Variants in LDLRAD4 observed in about 807,000 individuals in gnomAD.
LDLRAD4 encodes low density lipoprotein receptor class A domain containing 4, also known as low-density lipoprotein receptor class A domain-containing protein 4.
A neutral mutation model predicts 17.0 loss-of-function variants in LDLRAD4; 5 were observed. The ratio of observed to expected loss-of-function variants is 0.29; its 90% CI spans 0.15 to 0.62. The LOEUF is 0.62. Among genes scored for constraint, LDLRAD4 ranks in the 20% least tolerant of loss-of-function variants. The pLI is 0.84. For synonymous variants in LDLRAD4, 168 were observed against 171.8 expected (o/e 0.98, Z 0.17); for missense variants, 340 against 424.7 (o/e 0.80, Z 1.75).
At chr18:13,590,477 T>G (rs2095007719) in intron 3 of LDLRAD4, among the ~76,000 whole-genome samples, 1 of 152,228 alleles carries the variant, frequency 6.6e-6, no homozygotes. Context: ...ACTTCTTGTG[T>G]GCCTGTGACT....
At chr18:13,448,406 G>A (rs28380751) in intron 3 of LDLRAD4, among the ~76,000 whole-genome samples, 1 of 152,230 alleles carries the variant, frequency 6.6e-6, no homozygotes. Context: ...TTCATGCTGG[G>A]TCTCTTCCGG....
chr18:13,397,893 G>A (rs569397730), intron 2 of LDLRAD4, among the ~76,000 whole-genome samples: 7 of 152,344 alleles, frequency 4.6e-5, no homozygotes, highest in South Asian at 2.1e-4. Flanking sequence ...TGATCTCAGC[G>A]CACGCTGTTT....
At chr18:13,587,483 C>G (rs1451775029) in intron 3 of LDLRAD4, among the ~76,000 whole-genome samples, 1 of 152,222 alleles carries the variant, frequency 6.6e-6, no homozygotes, top group Non-Finnish European at 1.5e-5. Flanking sequence ...GCCTGCATGC[C>G]CGCTGAGTGG....
intron 3 of LDLRAD4, among the ~76,000 whole-genome samples, chr18:13,531,324 C>T (rs1001558144): frequency 3.3e-5 from 5 of 152,040 alleles, no homozygotes; most frequent in African/African-American, 4.8e-5. Context: ...TTTGGCCGTG[C>T]GCACTGTGTG....
chr18:13,359,557 T>G (rs2083540237), intron 1 of LDLRAD4, among the ~76,000 whole-genome samples: 1 of 152,176 alleles, frequency 6.6e-6, no homozygotes, highest in Non-Finnish European at 1.5e-5. Context: ...TCCAATACTC[T>G]GCTGTTCCAT....
intron 1 of LDLRAD4, among the ~76,000 whole-genome samples, chr18:13,384,370 T>C (rs1339345101): frequency 6.6e-6 from 1 of 152,244 alleles, no homozygotes; most frequent in African/African-American, 2.4e-5. Context: ...TCAATTCAAA[T>C]GAATTAATAT....
chr18:13,646,105 C>T (rs1488352641), exon 6 of LDLRAD4: 1 of 154,106 alleles, frequency 6.5e-6, no homozygotes, highest in East Asian at 1.9e-4. Flanking sequence ...GCTTTTTCTC[C>T]TAAGGTGTGG....
chr18:13,630,969 C>G (rs539056973), intron 4 of LDLRAD4, among the ~76,000 whole-genome samples: 1 of 152,338 alleles, frequency 6.6e-6, no homozygotes, highest in Admixed American at 6.5e-5. Context: ...TTTCCAGTCC[C>G]CACATCTGAT....
chr18:13,642,105 C>G, intron 4 of LDLRAD4: 1 of 985,522 alleles, frequency 1.0e-6, no homozygotes, highest in Non-Finnish European at 1.2e-6. Context: ...GCCCACCCTT[C>G]GTCTCCGAGC....
intron 1 of LDLRAD4, among the ~76,000 whole-genome samples, chr18:13,268,553 G>A (rs763996542): frequency 3.9e-5 from 6 of 152,176 alleles, no homozygotes; most frequent in Non-Finnish European, 8.8e-5. Context: ...CACTGCCAGC[G>A]TTTCCCCTCT....
At chr18:13,617,397 C>T (rs887206185) in intron 3 of LDLRAD4, among the ~76,000 whole-genome samples, 2 of 152,042 alleles carry the variant, frequency 1.3e-5, no homozygotes, top group Non-Finnish European at 2.9e-5. Context: ...GAATAAAATC[C>T]AGAGCAAATA....
At chr18:13,552,219 G>A (rs117691563) in intron 3 of LDLRAD4, among the ~76,000 whole-genome samples, 3,539 of 152,290 alleles carry the variant, frequency 0.023, 65 homozygotes, top group Non-Finnish European at 0.039. Flanking sequence ...GCTCCCAGCG[G>A]CCAGCCAGGT....
intron 1 of LDLRAD4, among the ~76,000 whole-genome samples, chr18:13,346,958 T>C (rs2144253957): frequency 6.6e-6 from 1 of 152,380 alleles, no homozygotes; most frequent in East Asian, 1.9e-4. Flanking sequence ...TTTGAGCCTA[T>C]GTGTGTCTCT....
At chr18:13,230,493 A>G (rs1439510639) in intron 1 of LDLRAD4, among the ~76,000 whole-genome samples, 1 of 152,156 alleles carries the variant, frequency 6.6e-6, no homozygotes, top group Non-Finnish European at 1.5e-5. Context: ...TACTATTACC[A>G]TAGTATATGT....
At chr18:13,454,448 C>G (rs1600433138) in intron 3 of LDLRAD4, among the ~76,000 whole-genome samples, 1 of 152,062 alleles carries the variant, frequency 6.6e-6, no homozygotes, top group South Asian at 2.1e-4. Context: ...CTTCCTGGGT[C>G]GGCCTGGGAA....
At chr18:13,285,342 G>A (rs1184564000) in intron 1 of LDLRAD4, among the ~76,000 whole-genome samples, 1 of 152,178 alleles carries the variant, frequency 6.6e-6, no homozygotes, top group African/African-American at 2.4e-5. Flanking sequence ...GCTTGGGGCA[G>A]TCACTTCAGT....
At chr18:13,425,355 T>G (rs1428556903) in intron 2 of LDLRAD4, among the ~76,000 whole-genome samples, 1 of 152,102 alleles carries the variant, frequency 6.6e-6, no homozygotes, top group Admixed American at 6.5e-5. Context: ...GAATTTACTT[T>G]CAGTGTGCAT....
chr18:13,586,406 CAAAAAA>C (rs58036819), intron 3 of LDLRAD4, among the ~76,000 whole-genome samples: 1 of 35,118 alleles, frequency 2.8e-5, no homozygotes, highest in Non-Finnish European at 4.7e-5. Flanking sequence ...GACTCTGTCT[CAAAAAA>C]AAAAAAAAAG....
At chr18:13,261,878 T>C (rs2043835076) in intron 1 of LDLRAD4, among the ~76,000 whole-genome samples, 1 of 151,912 alleles carries the variant, frequency 6.6e-6, no homozygotes, top group Admixed American at 6.6e-5. Context: ...CACCAGAGCT[T>C]GAGAGAGCAA....
Sources: gnomAD v4.1 joint callset for allele counts (sites outside exome capture counted in the v4.1 genomes callset) on GRCh38, gnomAD v4.1.1 for gene constraint, MANE v1.5 for transcripts, NCBI Gene and HGNC (gene_info 2026-07-23, HGNC 2026-07-21) for gene names.